RBFOX1: variants seen among roughly 807,000 people sequenced by gnomAD.
RBFOX1 encodes RNA binding fox-1 homolog 1, also known as RNA binding protein fox-1 homolog 1.
A neutral mutation model predicts 57.7 loss-of-function variants in RBFOX1; 8 were observed. The observed-to-expected ratio is 0.14, with a 90% CI of 0.08 to 0.25. RBFOX1 has a LOEUF of 0.25. Ranked by LOEUF, RBFOX1 falls within the 10% of genes least tolerant of loss-of-function variation. The pLI, the probability that RBFOX1 is intolerant of heterozygous loss-of-function variation, is 1.00. For missense variants in RBFOX1, 611 were observed against 548.5 expected (o/e 1.11, Z -1.14); for synonymous variants, 326 against 222.4 (o/e 1.47, Z -4.15).
chr16:5,467,354 C>A, intron 2 of RBFOX1: 2 of 1,150,508 alleles, frequency 1.7e-6, no homozygotes, highest in Non-Finnish European at 2.5e-6. Context: ...CTTCACTGCC[C>A]AGGGCAGACA....
intron 3 of RBFOX1, among the ~76,000 whole-genome samples, chr16:7,031,919 C>A (rs1375308442): frequency 6.6e-6 from 1 of 152,038 alleles, no homozygotes; most frequent in Admixed American, 6.6e-5. Flanking sequence ...TTACGGAGGC[C>A]CTGCTTTCTT....
intron 4 of RBFOX1, among the ~76,000 whole-genome samples, chr16:7,129,296 T>G (rs1600381463): frequency 6.6e-6 from 1 of 152,282 alleles, no homozygotes; most frequent in South Asian, 2.1e-4. Context: ...AACAAAGTGT[T>G]TCATCGGTTT....
At chr16:6,040,435 C>G (rs931234688) in intron 1 of RBFOX1, among the ~76,000 whole-genome samples, 2 of 152,138 alleles carry the variant, frequency 1.3e-5, no homozygotes, top group South Asian at 2.1e-4. Flanking sequence ...TCTTAAGTAT[C>G]TCAAATAAGT....
chr16:6,906,781 G>C (rs575591793), intron 3 of RBFOX1, among the ~76,000 whole-genome samples: 1 of 150,010 alleles, frequency 6.7e-6, no homozygotes, highest in East Asian at 2.0e-4. Context: ...GGAGTACAGT[G>C]GTGAAATTTC....
chr16:6,433,847 T>A lies in RBFOX1; in HGVS notation c.-64+116790T>A, dbSNP rs970380086. ...TAGCTCCAACCTCTTTTCATTTTTC[T>A]TTTTTTTTTTTTTTTTTGAGATGGG... On this transcript the variant is annotated intron_variant, in intron 2 of 15. Coordinates refer to ENST00000550418, the MANE Select transcript of RBFOX1 (RefSeq NM_018723.4). Among the ~76,000 whole-genome samples the A allele has an allele frequency of 1.3e-4, 7 of 52,138 alleles. No homozygotes were observed. The South Asian group carries it at 1.6e-3, about 12-fold the overall frequency. 34.2% of individuals were successfully genotyped at this position (52,138 alleles called of 152,430 possible).
intron 4 of RBFOX1, among the ~76,000 whole-genome samples, chr16:7,244,225 C>A (rs367809567): frequency 7.8e-6 from 1 of 128,380 alleles, no homozygotes; most frequent in East Asian, 2.3e-4. Context: ...AGAGTCTGTT[C>A]TAGGAAAATG....
In RBFOX1 at chr16:6,388,808, G is replaced by A. The variant is rs554918308; in HGVS notation, c.-64+71751G>A. Among the ~76,000 whole-genome samples the A allele has an allele frequency of 1.1e-4, 16 of 152,174 alleles. No homozygotes were observed. The East Asian group carries it at 1.2e-3, about 11-fold the overall frequency. On this transcript the variant is annotated intron_variant, in intron 2 of 15. Coordinates refer to ENST00000550418, the MANE Select transcript of RBFOX1 (RefSeq NM_018723.4). ...ATATGGAAGAACCTGGAGGACATTCGGCTAAATAAACTAAGCCAGGCACAA... is the reference window on the plus strand; with the variant it reads ...ATATGGAAGAACCTGGAGGACATTCAGCTAAATAAACTAAGCCAGGCACAA...
At chr16:7,491,781 C>T (rs1252767531) in intron 4 of RBFOX1, among the ~76,000 whole-genome samples, 3 of 152,120 alleles carry the variant, frequency 2.0e-5, no homozygotes, top group East Asian at 1.9e-4. Flanking sequence ...CAGGCACATG[C>T]CACCATGCCC....
intron 3 of RBFOX1, among the ~76,000 whole-genome samples, chr16:5,769,403 G>A (rs1450033089): frequency 6.6e-6 from 1 of 151,700 alleles, no homozygotes; most frequent in African/African-American, 2.4e-5. Flanking sequence ...CACTTCTGGA[G>A]GCTGAAGCAG....
intron 4 of RBFOX1, among the ~76,000 whole-genome samples, chr16:7,471,376 A>T (rs147308302): frequency 6.6e-6 from 1 of 152,150 alleles, no homozygotes; most frequent in Non-Finnish European, 1.5e-5. Context: ...TTTAATGTAC[A>T]TACACTTATA....
chr16:6,315,997 C>A (rs1229220135), intron 1 of RBFOX1, among the ~76,000 whole-genome samples: 1 of 152,138 alleles, frequency 6.6e-6, no homozygotes, highest in Non-Finnish European at 1.5e-5. Context: ...AACATATCTG[C>A]AAATAATGTT....
At chr16:6,890,756 C>A (rs995543039) in intron 3 of RBFOX1, among the ~76,000 whole-genome samples, 1 of 152,148 alleles carries the variant, frequency 6.6e-6, no homozygotes, top group Non-Finnish European at 1.5e-5. Context: ...TCACTGTCAC[C>A]TTCTGATTTA....
intron 4 of RBFOX1, among the ~76,000 whole-genome samples, chr16:7,421,417 C>G (rs547548302): frequency 6.6e-6 from 1 of 152,236 alleles, no homozygotes; most frequent in African/African-American, 2.4e-5. Context: ...TATTCAGGCA[C>G]CCATACGTAC....
chr16:7,460,389 A>ATATATATATATATATATATG lies in RBFOX1; in HGVS notation c.28-57757_28-57756insATATATATATATATATATGT. Among the ~76,000 whole-genome samples, 223 of 87,150 alleles carry ATATATATATATATATATATG rather than the reference A, an allele frequency of 2.6e-3. 3 individuals are homozygous for ATATATATATATATATATATG. The highest frequency in any genetic ancestry group is 0.017 in the South Asian group (38 of 2,208). 57.2% of individuals were successfully genotyped at this position (87,150 alleles called of 152,430 possible). On this transcript the variant is annotated intron_variant, in intron 4 of 15. Transcript: ENST00000550418. ...TAGCAAAATATATATATATATATAT[A>ATATATATATATATATATATG]TGTGTGTGTGTGTGTGTGTGTGTGT...
At chr16:7,288,339 G>A (rs1297742476) in intron 4 of RBFOX1, among the ~76,000 whole-genome samples, 1 of 152,182 alleles carries the variant, frequency 6.6e-6, no homozygotes, top group African/African-American at 2.4e-5. Flanking sequence ...GATTCAAGGT[G>A]AGAAAATCAC....
chr16:7,267,219 C>CA (rs2095177773), intron 4 of RBFOX1, among the ~76,000 whole-genome samples: 1 of 151,816 alleles, frequency 6.6e-6, no homozygotes, highest in African/African-American at 2.4e-5. Flanking sequence ...GCCAACATGG[C>CA]AAAACCCTGT....
intron 3 of RBFOX1, among the ~76,000 whole-genome samples, chr16:6,839,135 C>T (rs537537531): frequency 6.6e-6 from 1 of 151,972 alleles, no homozygotes; most frequent in Non-Finnish European, 1.5e-5. Flanking sequence ...CAGGCACACA[C>T]CACCACACCC....
At chr16:7,367,058 T>G (rs1170894811) in intron 4 of RBFOX1, among the ~76,000 whole-genome samples, 3 of 148,480 alleles carry the variant, frequency 2.0e-5, no homozygotes, top group African/African-American at 5.0e-5. Context: ...AACCCCCCAG[T>G]TTTTTTTTTC....
At chr16:5,405,303 G>C (rs2066834946) in intron 1 of RBFOX1, among the ~76,000 whole-genome samples, 1 of 152,222 alleles carries the variant, frequency 6.6e-6, no homozygotes, top group South Asian at 2.1e-4. Flanking sequence ...AAAGGACCTG[G>C]TGGGAAGTAA....
Sources: gnomAD v4.1 joint callset for allele counts (sites outside exome capture counted in the v4.1 genomes callset) on GRCh38, gnomAD v4.1.1 for gene constraint, MANE v1.5 for transcripts, NCBI Gene and HGNC (gene_info 2026-07-23, HGNC 2026-07-21) for gene names.